The following TPD52L2 variants were observed in gnomAD, a reference collection of about 807,000 sequenced individuals.
The protein encoded by TPD52L2 is tumor protein D54.
In TPD52L2, 19 loss-of-function variants were observed where a neutral mutation model predicts 24.7. The ratio of observed to expected loss-of-function variants is 0.77; its 90% confidence interval spans 0.54 to 1.13. The LOEUF is 1.13. TPD52L2 is among the 50% of genes most tolerant of loss of function. The pLI is 0.00. For synonymous variants in TPD52L2, 104 were observed against 100.2 expected (o/e 1.04, Z -0.23); for missense variants, 236 against 250.4 (o/e 0.94, Z 0.39).
At chr20:63,879,426 G>A (rs1008512818) in intron 4 of TPD52L2, among the ~76,000 whole-genome samples, 1 of 152,016 alleles carries the variant, frequency 6.6e-6, no homozygotes, top group African/African-American at 2.4e-5. Context: ...CCACCCACAG[G>A]TCACGCTCAG....
At chr20:63,871,974 C>T (rs1014681667) in intron 2 of TPD52L2, among the ~76,000 whole-genome samples, 2 of 151,338 alleles carry the variant, frequency 1.3e-5, no homozygotes, top group Non-Finnish European at 2.9e-5. Context: ...CATATATGAG[C>T]TGAAGATACT....
intron 2 of TPD52L2, among the ~76,000 whole-genome samples, chr20:63,872,688 C>T (rs956825927): frequency 1.4e-5 from 2 of 145,236 alleles, no homozygotes; most frequent in African/African-American, 5.1e-5. Context: ...AGGGTCTTCA[C>T]CATTTTTTTG....
intron 1 of TPD52L2, among the ~76,000 whole-genome samples, chr20:63,866,668 C>G (rs1257308291): frequency 6.6e-6 from 1 of 151,148 alleles, no homozygotes; most frequent in African/African-American, 2.4e-5. Flanking sequence ...TCACTGTTAG[C>G]CATGACGGTC....
At chr20:63,882,966 C>A (rs1367821341) in intron 5 of TPD52L2, 146 bp downstream of exon 5, 9 of 642,292 alleles carry the variant, frequency 1.4e-5, no homozygotes, top group Non-Finnish European at 2.1e-5. Flanking sequence ...CCCGACCAGT[C>A]TGTGTGCAGA....
At chr20:63,879,481 C>G (rs1402241609) in intron 4 of TPD52L2, among the ~76,000 whole-genome samples, 1 of 152,124 alleles carries the variant, frequency 6.6e-6, no homozygotes, top group Admixed American at 6.5e-5. Context: ...TGGTACTTAC[C>G]CACCCACAGG....
intron 6 of TPD52L2, 148 bp downstream of exon 6, chr20:63,889,386 C>T: frequency 1.3e-6 from 1 of 770,346 alleles, no homozygotes; most frequent in Non-Finnish European, 2.2e-6. Context: ...ACACAGTTCT[C>T]TCCTGTGACG....
At chr20:63,888,165 G>A (rs1701691630) in intron 5 of TPD52L2, 1 of 157,528 alleles carries the variant, frequency 6.3e-6, no homozygotes, top group African/African-American at 2.4e-5. Flanking sequence ...TCCTTGTGGG[G>A]ACTCTGGCTG....
intron 5 of TPD52L2, among the ~76,000 whole-genome samples, chr20:63,883,144 G>GGGGTCAGAGTC (rs2052962502): frequency 6.6e-6 from 1 of 152,190 alleles, no homozygotes; most frequent in Non-Finnish European, 1.5e-5. Context: ...CTCCAGCCCA[G>GGGGTCAGAGTC]GGGTCAGAGT....
At chr20:63,866,608 C>G (rs2146165730) in intron 1 of TPD52L2, among the ~76,000 whole-genome samples, 1 of 151,894 alleles carries the variant, frequency 6.6e-6, no homozygotes, top group Middle Eastern at 3.4e-3. Context: ...ACTACAGGCG[C>G]CCGCCATCAT....
chr20:63,874,522 C>G (rs1049885070), intron 3 of TPD52L2, among the ~76,000 whole-genome samples: 1 of 151,982 alleles, frequency 6.6e-6, no homozygotes, highest in African/African-American at 2.4e-5. Flanking sequence ...GACAGGCGTG[C>G]GCCACCATGC....
chr20:63,865,345 C>T lies in TPD52L2; in HGVS notation c.-21C>T, dbSNP rs1294596052. 1 of 1,522,658 alleles carries T rather than the reference C, an allele frequency of 6.6e-7. No individual in the cohort carries two copies. Among genetic ancestry groups the T allele is most frequent in the Non-Finnish European group, 8.8e-7 (1 of 1,140,916 alleles). The allele number at this position is 1,522,658 out of a possible 1,614,324, so 94.3% of individuals were successfully genotyped here. A position where few individuals can be genotyped will look rare whatever the true frequency, so the allele number is the denominator to read the frequency against. ...TCGGCTCCCATAGCGCCCGCGACAG[C>T]GGTCCGGACGCCGCCCGAACATGGA... On this transcript the variant is annotated 5_prime_UTR_variant, in exon 1 of 7. Transcript: ENST00000346249.
At chr20:63,882,246 T>C (rs2052927261) in intron 4 of TPD52L2, among the ~76,000 whole-genome samples, 3 of 152,254 alleles carry the variant, frequency 2.0e-5, no homozygotes, top group Admixed American at 2.0e-4. Context: ...AAGGGAAACT[T>C]GCACGCATGG....
intron 5 of TPD52L2, chr20:63,887,109 C>G (rs1356342918): frequency 3.8e-6 from 1 of 264,858 alleles, no homozygotes; most frequent in Non-Finnish European, 7.4e-6. Context: ...CCAGAGCAAG[C>G]TCCTCTAGGC....
At chr20:63,880,890 CAAAAA>C (rs60375809) in intron 4 of TPD52L2, among the ~76,000 whole-genome samples, 2 of 77,504 alleles carry the variant, frequency 2.6e-5, no homozygotes, top group Admixed American at 1.3e-4. Context: ...GACTCTGTCT[CAAAAA>C]AAAAAAAAAA....
chr20:63,879,731 C>T (rs112513511), intron 4 of TPD52L2, among the ~76,000 whole-genome samples: 20 of 136,858 alleles, frequency 1.5e-4, no homozygotes, highest in South Asian at 1.2e-3. Context: ...TTCCCCATCC[C>T]CACTCTTTAG....
chr20:63,882,307 G>A (rs1045398179), intron 4 of TPD52L2, among the ~76,000 whole-genome samples: 5 of 152,386 alleles, frequency 3.3e-5, no homozygotes, highest in African/African-American at 1.2e-4. Flanking sequence ...CCTGCCAGGC[G>A]TGCACCTCAG....
intron 5 of TPD52L2, among the ~76,000 whole-genome samples, chr20:63,886,227 G>T (rs941512545): frequency 6.6e-6 from 1 of 152,170 alleles, no homozygotes; most frequent in Non-Finnish European, 1.5e-5. Context: ...GCGTGGGATC[G>T]ACGCAGAGGC....
At position 63,877,142 on chromosome 20, in the gene TPD52L2, C is replaced by T. The variant is rs2052717897; in HGVS notation, c.374+1267C>T. The T allele has an allele frequency of 2.8e-6, 1 of 362,564 alleles. No individual in the cohort carries two copies. Among genetic ancestry groups the T allele is most frequent in the Non-Finnish European group, 5.4e-6 (1 of 184,148 alleles). The allele number at this position is 362,564 out of a possible 1,614,324, so 22.5% of individuals were successfully genotyped here. ...CCGGGTTCACACCATTCTCCTGCCTCAGCCTCCCCAGTAGCTGGGACTACA... is the reference window on the plus strand; with the variant it reads ...CCGGGTTCACACCATTCTCCTGCCTTAGCCTCCCCAGTAGCTGGGACTACA... On this transcript the variant is annotated intron_variant, in intron 4 of 6. Transcript: ENST00000346249. This position sits in a 1 kb window ranked among gnomAD's most constrained non-coding sequence, Gnocchi z 4.1.
intron 2 of TPD52L2, among the ~76,000 whole-genome samples, chr20:63,872,986 T>A (rs2146193237): frequency 6.6e-6 from 1 of 151,522 alleles, no homozygotes; most frequent in Non-Finnish European, 1.5e-5. Context: ...GTGCTGGGAT[T>A]ACAGGCATGC....
Sources: gnomAD v4.1 joint callset for allele counts (sites outside exome capture counted in the v4.1 genomes callset) on GRCh38, gnomAD v4.1.1 for gene constraint, Gnocchi (gnomAD v3.1) non-coding constraint, MANE v1.5 for transcripts, NCBI Gene and HGNC (gene_info 2026-07-23, HGNC 2026-07-21) for gene names.